The following MORC3 variants were observed in gnomAD, a reference collection of about 807,000 sequenced individuals.
MORC3 encodes the protein MORC family CW-type zinc finger protein 3.
In MORC3, 31 loss-of-function variants were observed where a neutral mutation model predicts 109.1. The observed-to-expected ratio is 0.28, with a 90% CI of 0.21 to 0.38. The LOEUF (loss-of-function observed/expected upper bound fraction) is 0.38, where lower values mean the gene tolerates loss of function less well. Ranked by LOEUF, MORC3 falls within the 10% of genes least tolerant of loss-of-function variation. The pLI, the probability that MORC3 is intolerant of heterozygous loss-of-function variation, is 1.00. For synonymous variants in MORC3, 395 were observed against 380.7 expected, an observed-to-expected ratio of 1.04 and a Z score of -0.44; for missense variants, 867 against 1,135.8, an observed-to-expected ratio of 0.76 and a Z score of 3.40.
intron 4 of MORC3, 45 bp downstream of exon 4, chr21:36,337,991 A>C (rs1193185486): frequency 1.9e-6 from 3 of 1,582,760 alleles, no homozygotes; most frequent in Non-Finnish European, 2.6e-6. Flanking sequence ...AAACTGAAGA[A>C]ATAATTTGGA....
intron 13 of MORC3, among the ~76,000 whole-genome samples, chr21:36,362,641 T>C (rs919342067): frequency 6.6e-6 from 1 of 152,098 alleles, no homozygotes; most frequent in Non-Finnish European, 1.5e-5. Context: ...CCTCCCAAAG[T>C]GCTAGGATTA....
intron 2 of MORC3, among the ~76,000 whole-genome samples, chr21:36,334,792 G>A (rs766370535): frequency 7.2e-5 from 11 of 152,198 alleles, no homozygotes; most frequent in East Asian, 5.8e-4. Context: ...GCAAGGTTGC[G>A]GTCTGATTTG....
Position 36,368,326 on chromosome 21 carries a change from C to T in MORC3, c.1620-662C>T, listed in dbSNP as rs183197064. Among the ~76,000 whole-genome samples the T allele has an allele frequency of 7.3e-5, 11 of 150,730 alleles. No individual in the cohort carries two copies. The East Asian group carries it at 1.8e-3, about 25-fold the overall frequency. On this transcript the variant is annotated intron_variant, in intron 14 of 16. Transcript: ENST00000400485. ...TATGGGCAAATGAAAATGGTGGTGCCATTCCCTGAGCTGAAGAATACAAAG... is the reference window on the plus strand; with the variant it reads ...TATGGGCAAATGAAAATGGTGGTGCTATTCCCTGAGCTGAAGAATACAAAG...
chr21:36,348,881 C>T (rs1358064244), intron 8 of MORC3, among the ~76,000 whole-genome samples: 2 of 152,040 alleles, frequency 1.3e-5, no homozygotes, highest in East Asian at 1.9e-4. Context: ...GAGAATTGGC[C>T]GGACGCGGTG....
In MORC3 at chr21:36,336,905, A is replaced by G. The variant is rs2146298641; in HGVS notation, c.144A>G (p.Lys48=). The G allele has an allele frequency of 6.2e-7, 1 of 1,612,638 alleles. No homozygotes were observed. Among genetic ancestry groups the G allele is most frequent in the Non-Finnish European group, 8.5e-7 (1 of 1,179,384 alleles). Residue 48 remains lysine (K), a synonymous_variant, in exon 3 of 17, where the codon AAA becomes AAG. Coordinates refer to ENST00000400485, the MANE Select transcript of MORC3 (RefSeq NM_015358.3). ...DNAYDPDVNA[K]QIWIDKTVIN... ...CTTATGATCCTGATGTGAACGCTAA[A>G]CAAATATGGATTGACAAAACAGTGA...
intron 8 of MORC3, chr21:36,348,353 G>A (rs1441233232): frequency 6.6e-6 from 1 of 152,162 alleles, no homozygotes; most frequent in African/African-American, 2.4e-5. Flanking sequence ...AATTATTTGT[G>A]GTTTCTGTTC....
chr21:36,375,138 T>C lies in MORC3; in HGVS notation c.2667-5T>C. 6.2e-7 allele frequency: 1 copy of C among 1,608,412 alleles called. No homozygotes were observed. Among genetic ancestry groups the C allele is most frequent in the Non-Finnish European group, 8.5e-7 (1 of 1,177,884 alleles). On this transcript the variant is annotated splice_polypyrimidine_tract_variant and splice_region_variant and intron_variant, in intron 16 of 16. Transcript: ENST00000400485. Reference sequence around the variant, plus strand: ...ATCTAATAAGTTACATATTTGTATTTGCAGCCTCAAACTCCGATCTCTTCG... The same window carrying C: ...ATCTAATAAGTTACATATTTGTATTCGCAGCCTCAAACTCCGATCTCTTCG...
chr21:36,324,105 C>G (rs1029143198), intron 1 of MORC3, among the ~76,000 whole-genome samples: 2 of 152,104 alleles, frequency 1.3e-5, no homozygotes, highest in Non-Finnish European at 2.9e-5. Flanking sequence ...GAACTTCCGA[C>G]CTCAGGTAAT....
chr21:36,325,627 C>T (rs2085240205), intron 1 of MORC3, among the ~76,000 whole-genome samples: 1 of 152,232 alleles, frequency 6.6e-6, no homozygotes, highest in Non-Finnish European at 1.5e-5. Context: ...ACCTGACAAA[C>T]ACTATTCTAC....
rs1294615530 is a variant in MORC3 at position 36,364,956 on chromosome 21, G to A, written c.1619+697G>A. On this transcript the variant is annotated intron_variant, in intron 14 of 16. Transcript: ENST00000400485. ...AATCCCAGCTACTTGGGAGGCTGAG[G>A]CAAGAGAATCGCTTGAACCTGGGAG... Among the ~76,000 whole-genome samples, 13 of 146,264 alleles carry A rather than the reference G, an allele frequency of 8.9e-5. No homozygotes were observed. The South Asian group carries it at 2.8e-3, about 32-fold the overall frequency.
intron 9 of MORC3, among the ~76,000 whole-genome samples, chr21:36,352,605 C>T (rs1460190459): frequency 6.6e-6 from 1 of 152,086 alleles, no homozygotes; most frequent in Non-Finnish European, 1.5e-5. Flanking sequence ...ATCATGTTGG[C>T]ACTCAAAAAG....
chr21:36,360,612 A>G, intron 12 of MORC3: 2 of 286,168 alleles, frequency 7.0e-6, no homozygotes, highest in Non-Finnish European at 1.3e-5. Flanking sequence ...GGTGAGTGCC[A>G]TAGAAGCTCT....
chr21:36,358,327 A>G (rs571228770), intron 10 of MORC3, among the ~76,000 whole-genome samples: 2 of 152,006 alleles, frequency 1.3e-5, no homozygotes, highest in East Asian at 3.9e-4. Context: ...AGAGGTTGCA[A>G]TGAACCGAGA....
intron 1 of MORC3, among the ~76,000 whole-genome samples, chr21:36,323,832 C>T (rs1367276935): frequency 1.3e-5 from 2 of 150,560 alleles, no homozygotes; most frequent in African/African-American, 4.9e-5. Flanking sequence ...TGTTTTTCCT[C>T]TTGGGGGATT....
At chr21:36,350,112 C>T (rs2065302) in intron 9 of MORC3, among the ~76,000 whole-genome samples, 68,847 of 151,898 alleles carry the variant, frequency 0.45, 16,542 homozygotes, top group East Asian at 0.6. Flanking sequence ...TTGAGACCAG[C>T]GTGGGCAACA....
At chr21:36,367,232 T>C (rs1325681524) in intron 14 of MORC3, among the ~76,000 whole-genome samples, 2 of 152,214 alleles carry the variant, frequency 1.3e-5, no homozygotes, top group Non-Finnish European at 2.9e-5. Flanking sequence ...GTTTGGATAC[T>C]GAATGGTCAG....
At chr21:36,322,570 C>T (rs1365151253) in intron 1 of MORC3, among the ~76,000 whole-genome samples, 1 of 152,030 alleles carries the variant, frequency 6.6e-6, no homozygotes, top group Non-Finnish European at 1.5e-5. Context: ...TAGAGTTTCA[C>T]CATGTTGGCC....
At chr21:36,340,638 CTTT>C (rs34899654) in intron 5 of MORC3, among the ~76,000 whole-genome samples, 55 of 123,676 alleles carry the variant, frequency 4.4e-4, no homozygotes, top group Admixed American at 6.3e-4. Flanking sequence ...TTCTTTCTTT[CTTT>C]TTTTTTTTTT....
At chr21:36,345,053 AAAAG>A in intron 8 of MORC3, 22 bp downstream of exon 8, 1 of 1,572,558 alleles carries the variant, frequency 6.4e-7, no homozygotes, top group Non-Finnish European at 8.6e-7. Context: ...TTTTTATTTG[AAAAG>A]AAAATGTCTA....
Sources: gnomAD v4.1 joint callset for allele counts (sites outside exome capture counted in the v4.1 genomes callset) on GRCh38, gnomAD v4.1.1 for gene constraint, MANE v1.5 for transcripts, NCBI Gene and HGNC (gene_info 2026-07-23, HGNC 2026-07-21) for gene names.